Variants in FZD3 observed in about 807,000 individuals in gnomAD.
The protein encoded by FZD3 is frizzled class receptor 3, also known as frizzled-3.
FZD3 carries 30 observed loss-of-function variants against 60.7 expected under a neutral mutation model. The observed-to-expected ratio is 0.49, with a 90% CI of 0.37 to 0.67. FZD3 has a LOEUF of 0.67. FZD3 is among the 30% of genes least tolerant of loss of function. The pLI is 0.00. For missense variants in FZD3, 605 were observed against 838.7 expected (o/e 0.72, Z 3.44); for synonymous variants, 246 against 275.2 (o/e 0.89, Z 1.05).
chr8:28,494,644 G>A (rs1325035277), intron 1 of FZD3, among the ~76,000 whole-genome samples: 2 of 152,092 alleles, frequency 1.3e-5, no homozygotes, highest in African/African-American at 2.4e-5. Context: ...GCTAAGGGGG[G>A]AGCTGCCCCG....
Position 28,520,761 on chromosome 8 carries a change from C to A in FZD3, c.313C>A (p.Arg105=), listed in dbSNP as rs1440611132. The A allele has an allele frequency of 6.2e-7, 1 of 1,611,898 alleles. No homozygotes were observed. Among genetic ancestry groups the A allele is most frequent in the East Asian group, 2.2e-5 (1 of 44,816 alleles). The change falls in exon 4 of 8, where the codon CGG becomes AGG. Residue 105 remains arginine (R), a synonymous_variant. Transcript: ENST00000240093. The part of the protein sequence containing the change: ...VTLPCRRLCQ[R]AYSECSKLME... Reference sequence around the variant, plus strand: ...ACTTCCCTGTCGTAGGCTGTGTCAGCGGGCTTACAGTGAGTGTTCGAAGCT... The same window carrying A: ...ACTTCCCTGTCGTAGGCTGTGTCAGAGGGCTTACAGTGAGTGTTCGAAGCT...
rs1158916044 is a variant in FZD3, at chr8:28,527,798, T to C, written c.1038T>C (p.Leu346=). 6.2e-7 allele frequency: 1 copy of C among 1,614,134 alleles called. No individual in the cohort carries two copies. The highest frequency in any genetic ancestry group is 1.3e-5 in the African/African-American group (1 of 75,032). The change falls in exon 5 of 8, where the codon CTT becomes CTC. Residue 346 remains leucine (L), a synonymous_variant. Transcript: ENST00000240093. The surrounding 1 kb of genome is among the most constrained non-coding windows in gnomAD (Gnocchi z 5.0). ...TCCCCGGAACTCTAACCATCATCCT[T>C]TTAGCGATGAATAAAATTGAAGGTG... ...WGIPGTLTII[L]LAMNKIEGDN... is the part of the protein sequence containing the mutation.
At chr8:28,505,700 C>G (rs1357989684) in intron 3 of FZD3, among the ~76,000 whole-genome samples, 1 of 152,142 alleles carries the variant, frequency 6.6e-6, no homozygotes, top group African/African-American at 2.4e-5. Context: ...GCCTGGAACA[C>G]AATGGTATGT....
rs747812954 is a variant in FZD3, at chr8:28,572,407, T to C, written c.*9396T>C. 7 of 152,172 alleles carry C rather than the reference T, an allele frequency of 4.6e-5. No homozygotes were observed. The highest frequency in any genetic ancestry group is 8.8e-5 in the Non-Finnish European group (6 of 68,028). 9.4% of individuals were successfully genotyped at this position (152,172 alleles called of 1,614,324 possible). On this transcript the variant is annotated 3_prime_UTR_variant, in exon 8 of 8. Transcript: ENST00000240093. ...ACTCTACAGATAACCACAAATCTTATCAAGAAAATTCTCCTTAAAAAAAGT... is the reference window on the plus strand; with the variant it reads ...ACTCTACAGATAACCACAAATCTTACCAAGAAAATTCTCCTTAAAAAAAGT...
chr8:28,556,031 G>GA (rs1387455896), intron 7 of FZD3, 60 bp downstream of exon 7: 1 of 1,105,106 alleles, frequency 9.0e-7, no homozygotes, highest in Non-Finnish European at 1.4e-6. Context: ...TACAGCTTAA[G>GA]AAAGAGGAGC....
In FZD3 at chr8:28,555,933, C is replaced by T. The variant is rs1805499779; in HGVS notation, c.1749C>T (p.Ser583=). 1 of 1,613,452 alleles carries T rather than the reference C, an allele frequency of 6.2e-7. No homozygotes were observed. The highest frequency in any genetic ancestry group is 8.5e-7 in the Non-Finnish European group (1 of 1,179,550). ...SKAGSIHSKV[S]SYHGSLHRSR... is the part of the protein sequence containing the mutation. ...CAGGAAGCATCCACAGCAAAGTGAGCAGCTACCACGGCAGCCTCCACAGAT... is the reference window on the plus strand; with the variant it reads ...CAGGAAGCATCCACAGCAAAGTGAGTAGCTACCACGGCAGCCTCCACAGAT... Residue 583 remains serine, a synonymous_variant, in exon 7 of 8, where the codon AGC becomes AGT. Coordinates refer to ENST00000240093, the MANE Select transcript of FZD3 (RefSeq NM_017412.4).
intron 7 of FZD3, 72 bp downstream of exon 7, chr8:28,556,043 G>A (rs1805502490): frequency 2.0e-6 from 2 of 976,564 alleles, no homozygotes. Context: ...AAGAGGAGCA[G>A]CCAATTCTGA....
intron 3 of FZD3, among the ~76,000 whole-genome samples, chr8:28,504,699 C>T (rs1237551169): frequency 6.6e-6 from 1 of 152,212 alleles, no homozygotes; most frequent in African/African-American, 2.4e-5. Context: ...TAGCACAATG[C>T]ATCATACGCA....
chr8:28,543,182 A>G (rs1805212537), intron 5 of FZD3, among the ~76,000 whole-genome samples: 1 of 152,126 alleles, frequency 6.6e-6, no homozygotes, highest in South Asian at 2.1e-4. Context: ...ATCTTTTTTC[A>G]TTACAATTCT....
chr8:28,564,721 T>C lies in FZD3; in HGVS notation c.*1710T>C, dbSNP rs1201283262. The C allele has an allele frequency of 6.6e-6, 1 of 152,206 alleles. No individual in the cohort carries two copies. Among genetic ancestry groups the C allele is most frequent in the Non-Finnish European group, 1.5e-5 (1 of 68,046 alleles). The allele number at this position is 152,206 out of a possible 1,614,324, so 9.4% of individuals were successfully genotyped here. ...TTATAAAAATACCGCAGGTGATTCT[T>C]ACGGAGGTAATCCAAGAATCATACT... On this transcript the variant is annotated 3_prime_UTR_variant, in exon 8 of 8. Transcript: ENST00000240093.
At chr8:28,519,806 C>G (rs1034250302) in intron 3 of FZD3, among the ~76,000 whole-genome samples, 23 of 151,618 alleles carry the variant, frequency 1.5e-4, no homozygotes, top group African/African-American at 5.6e-4. Flanking sequence ...GCCTAAATTA[C>G]TACTATATTA....
At chr8:28,521,421 C>A (rs1804576101) in intron 4 of FZD3, among the ~76,000 whole-genome samples, 1 of 151,680 alleles carries the variant, frequency 6.6e-6, no homozygotes, top group Admixed American at 6.6e-5. Context: ...TAATGTTTTA[C>A]CTATTTGTAT....
At chr8:28,509,061 A>G (rs1049369240) in intron 3 of FZD3, among the ~76,000 whole-genome samples, 1 of 152,202 alleles carries the variant, frequency 6.6e-6, no homozygotes, top group Non-Finnish European at 1.5e-5. Context: ...TGTACAATCA[A>G]ATTATTGTGT....
intron 5 of FZD3, among the ~76,000 whole-genome samples, chr8:28,530,934 C>A (rs973390188): frequency 1.3e-5 from 2 of 151,902 alleles, no homozygotes; most frequent in Non-Finnish European, 2.9e-5. Flanking sequence ...AAAATGTTTC[C>A]TTTTACTAAT....
At chr8:28,546,142 G>A (rs1338005902) in intron 5 of FZD3, among the ~76,000 whole-genome samples, 1 of 152,150 alleles carries the variant, frequency 6.6e-6, no homozygotes, top group Non-Finnish European at 1.5e-5. Flanking sequence ...TGACAAAACT[G>A]CCTAACAACA....
At chr8:28,507,997 TC>T (rs539340118) in intron 3 of FZD3, among the ~76,000 whole-genome samples, 310 of 152,144 alleles carry the variant, frequency 2.0e-3, no homozygotes, top group Middle Eastern at 6.8e-3. Context: ...GCTCAAACAA[TC>T]CCCCTACCTC....
intron 4 of FZD3, among the ~76,000 whole-genome samples, chr8:28,526,432 CTG>C (rs1452861845): frequency 5.3e-5 from 8 of 152,292 alleles, no homozygotes; most frequent in Non-Finnish European, 8.8e-5. Context: ...TAACTAATCT[CTG>C]TCTTTATCAT....
intron 5 of FZD3, among the ~76,000 whole-genome samples, chr8:28,551,281 C>T (rs979490710): frequency 6.6e-6 from 1 of 152,160 alleles, no homozygotes; most frequent in Non-Finnish European, 1.5e-5. Context: ...CCTGTAATCC[C>T]AGCACTTTGG....
At chr8:28,558,558 G>A (rs1298980499) in intron 7 of FZD3, among the ~76,000 whole-genome samples, 1 of 151,930 alleles carries the variant, frequency 6.6e-6, no homozygotes, top group South Asian at 2.1e-4. Context: ...AGCCCCCTGA[G>A]TAGCTAGGAT....
Sources: gnomAD v4.1 joint callset for allele counts (sites outside exome capture counted in the v4.1 genomes callset) on GRCh38, gnomAD v4.1.1 for gene constraint, Gnocchi (gnomAD v3.1) non-coding constraint, MANE v1.5 for transcripts, NCBI Gene and HGNC (gene_info 2026-07-23, HGNC 2026-07-21) for gene names.